The following RHOH variants were observed in gnomAD, a reference collection of about 807,000 sequenced individuals.
RHOH encodes the protein ras homolog family member H, also known as rho-related GTP-binding protein RhoH.
Under a neutral mutation model 13.8 loss-of-function variants are expected in RHOH, and 6 were observed. That is an observed-to-expected ratio of 0.44 (90% confidence interval 0.24 to 0.86). RHOH has a LOEUF of 0.86. Ranked by LOEUF, RHOH falls within the 40% of genes least tolerant of loss-of-function variation. The pLI is 0.24. For missense variants in RHOH, 147 were observed against 244.5 expected, an observed-to-expected ratio of 0.60 and a Z score of 2.66; for synonymous variants, 117 against 103.0, an observed-to-expected ratio of 1.14 and a Z score of -0.82.
At chr4:40,211,713 T>G (rs148219945) in intron 1 of RHOH, among the ~76,000 whole-genome samples, 1 of 152,310 alleles carries the variant, frequency 6.6e-6, no homozygotes, top group East Asian at 1.9e-4. Context: ...CATAAATGAT[T>G]GTGCATGAGA....
chr4:40,202,592 G>A (rs562357085), intron 1 of RHOH, among the ~76,000 whole-genome samples: 3 of 152,222 alleles, frequency 2.0e-5, no homozygotes, highest in Non-Finnish European at 4.4e-5. Context: ...ACCGGTAGAT[G>A]TTACTGTGAA....
chr4:40,231,113 C>T (rs115791832), intron 1 of RHOH, among the ~76,000 whole-genome samples: 2,698 of 152,238 alleles, frequency 0.018, 50 homozygotes, highest in Non-Finnish European at 0.028. Flanking sequence ...AGAGACAAGC[C>T]AGTGGGCACC....
At chr4:40,239,619 C>T (rs1425352754) in intron 1 of RHOH, among the ~76,000 whole-genome samples, 1 of 152,214 alleles carries the variant, frequency 6.6e-6, no homozygotes, top group Non-Finnish European at 1.5e-5. Flanking sequence ...TGGCTCACGC[C>T]TGTAATCCCA....
chr4:40,235,614 A>G (rs1728474493), intron 1 of RHOH, among the ~76,000 whole-genome samples: 1 of 148,164 alleles, frequency 6.7e-6, no homozygotes, highest in South Asian at 2.2e-4. Context: ...AAAAAGAAAA[A>G]AGAAAAAAAA....
intron 1 of RHOH, among the ~76,000 whole-genome samples, chr4:40,204,958 G>A (rs1724467812): frequency 6.6e-6 from 1 of 152,138 alleles, no homozygotes; most frequent in African/African-American, 2.4e-5. Flanking sequence ...TGATGCCTTG[G>A]GTGGCACAAG....
intron 1 of RHOH, among the ~76,000 whole-genome samples, chr4:40,203,204 C>G (rs1724231393): frequency 6.6e-6 from 1 of 152,152 alleles, no homozygotes; most frequent in African/African-American, 2.4e-5. Context: ...GATCTCCTGA[C>G]CTCGTGATCC....
upstream of RHOH, among the ~76,000 whole-genome samples, chr4:40,196,247 A>G (rs1723121725): frequency 6.6e-6 from 1 of 152,242 alleles, no homozygotes; most frequent in Admixed American, 6.5e-5. Context: ...TATCACCGTG[A>G]GCAGTAGCAT....
intron 1 of RHOH, among the ~76,000 whole-genome samples, chr4:40,241,733 G>A (rs1729270277): frequency 6.6e-6 from 1 of 151,732 alleles, no homozygotes. Context: ...TACAAAAAAA[G>A]CAATAAATTA....
intron 1 of RHOH, among the ~76,000 whole-genome samples, chr4:40,197,701 A>G (rs902721858): frequency 6.6e-6 from 1 of 152,246 alleles, no homozygotes; most frequent in Non-Finnish European, 1.5e-5. Flanking sequence ...GAAAAGAAAC[A>G]GAACCGAAGT....
At chr4:40,196,940 A>C (rs989898370), upstream of RHOH, 4 of 151,026 alleles carry the variant, frequency 2.6e-5, no homozygotes, top group African/African-American at 9.8e-5. Flanking sequence ...GTGCACACAC[A>C]CCCCCCTAAA....
upstream of RHOH, among the ~76,000 whole-genome samples, chr4:40,194,039 T>C (rs1722885016): frequency 6.6e-6 from 1 of 152,188 alleles, no homozygotes; most frequent in South Asian, 2.1e-4. Flanking sequence ...TACAGGCAGC[T>C]GTCCTTGTCT....
intron 1 of RHOH, among the ~76,000 whole-genome samples, chr4:40,199,601 G>A (rs981129886): frequency 2.0e-5 from 3 of 152,164 alleles, no homozygotes; most frequent in African/African-American, 7.2e-5. Flanking sequence ...GGTTGACGTC[G>A]CTCTCTGAAC....
intron 1 of RHOH, among the ~76,000 whole-genome samples, chr4:40,202,115 T>A (rs1048652079): frequency 6.6e-6 from 1 of 151,916 alleles, no homozygotes; most frequent in African/African-American, 2.4e-5. Flanking sequence ...CACACTTGGC[T>A]AACTTTTTTT....
intron 1 of RHOH, among the ~76,000 whole-genome samples, chr4:40,225,369 G>A (rs892067322): frequency 3.3e-5 from 5 of 151,638 alleles, no homozygotes; most frequent in East Asian, 1.9e-4. Context: ...TATAGATGTC[G>A]GCCAGTACAC....
intron 1 of RHOH, among the ~76,000 whole-genome samples, chr4:40,212,119 A>T (rs1725340886): frequency 6.6e-6 from 1 of 152,250 alleles, no homozygotes; most frequent in African/African-American, 2.4e-5. Flanking sequence ...TTTATAAATT[A>T]TGAATACAGA....
intron 1 of RHOH, among the ~76,000 whole-genome samples, chr4:40,205,123 G>A (rs560151403): frequency 7.2e-5 from 11 of 152,334 alleles, no homozygotes; most frequent in East Asian, 1.9e-4. Flanking sequence ...TTAGCTGGGC[G>A]TGGTGGCACA....
At chr4:40,208,935 G>A (rs908141809) in intron 1 of RHOH, among the ~76,000 whole-genome samples, 2 of 151,902 alleles carry the variant, frequency 1.3e-5, no homozygotes, top group Non-Finnish European at 2.9e-5. Context: ...TCAGAATATG[G>A]AGGTAAATAA....
intron 1 of RHOH, among the ~76,000 whole-genome samples, chr4:40,197,941 C>G (rs138325670): frequency 2.6e-5 from 4 of 152,262 alleles, no homozygotes; most frequent in Admixed American, 1.3e-4. Flanking sequence ...AGGTGCTTTA[C>G]TAAATGAAAG....
At chr4:40,233,925 C>CAAATAAAATA (rs5857719) in intron 1 of RHOH, among the ~76,000 whole-genome samples, 14,043 of 145,072 alleles carry the variant, frequency 0.097, 1,094 homozygotes, top group East Asian at 0.43. Context: ...TACTCCCTCT[C>CAAATAAAATA]AAATAAAATA....
Sources: allele counts gnomAD v4.1 joint callset (sites outside exome capture counted in the v4.1 genomes callset), GRCh38; gene constraint gnomAD v4.1.1; transcripts MANE v1.5; gene names NCBI Gene and HGNC (gene_info 2026-07-23, HGNC 2026-07-21).